The following CACNA2D3 variants were observed in gnomAD, a reference collection of about 807,000 sequenced individuals.
The protein encoded by CACNA2D3 is calcium voltage-gated channel auxiliary subunit alpha2delta 3.
A neutral mutation model predicts 160.6 loss-of-function variants in CACNA2D3; 60 were observed. The ratio of observed to expected loss-of-function variants is 0.37; its 90% CI spans 0.30 to 0.46. The LOEUF is 0.46. Ranked by LOEUF, CACNA2D3 falls within the 20% of genes least tolerant of loss-of-function variation. The pLI, the probability that CACNA2D3 is intolerant of heterozygous loss-of-function variation, is 1.00. For missense variants in CACNA2D3, 1,205 were observed against 1,365.0 expected (o/e 0.88, Z 1.85); for synonymous variants, 558 against 492.9 (o/e 1.13, Z -1.75).
At chr3:54,553,186 T>G (rs1170785517) in intron 5 of CACNA2D3, among the ~76,000 whole-genome samples, 1 of 152,218 alleles carries the variant, frequency 6.6e-6, no homozygotes, top group Non-Finnish European at 1.5e-5. Flanking sequence ...GTTTGGCAAA[T>G]AAACCTATTG....
At chr3:55,043,988 A>G (rs558450778) in intron 35 of CACNA2D3, among the ~76,000 whole-genome samples, 5 of 152,334 alleles carry the variant, frequency 3.3e-5, no homozygotes, top group Middle Eastern at 3.4e-3. Flanking sequence ...TTTCTCTAAT[A>G]TAAAACCGTC....
intron 4 of CACNA2D3, among the ~76,000 whole-genome samples, chr3:54,465,766 T>C (rs1035339137): frequency 6.6e-6 from 1 of 152,234 alleles, no homozygotes; most frequent in Non-Finnish European, 1.5e-5. Flanking sequence ...GCATAACTCG[T>C]TAACATTAAT....
intron 11 of CACNA2D3, among the ~76,000 whole-genome samples, chr3:54,744,127 T>G (rs1701704204): frequency 6.6e-6 from 1 of 152,200 alleles, no homozygotes; most frequent in South Asian, 2.1e-4. Flanking sequence ...TGTAGAGGAC[T>G]CACTTCTGAT....
chr3:54,557,692 C>T (rs532118453), intron 5 of CACNA2D3, among the ~76,000 whole-genome samples: 150 of 152,178 alleles, frequency 9.9e-4, no homozygotes, highest in African/African-American at 2.8e-3. Flanking sequence ...TTAATTTAAG[C>T]GGGTTTTGCC....
At chr3:54,383,791 C>A (rs984473596) in intron 3 of CACNA2D3, among the ~76,000 whole-genome samples, 6 of 152,160 alleles carry the variant, frequency 3.9e-5, no homozygotes, top group Non-Finnish European at 8.8e-5. Context: ...TCACTCAGCA[C>A]AGAATGCAGT....
intron 3 of CACNA2D3, among the ~76,000 whole-genome samples, chr3:54,384,844 T>G (rs1471888753): frequency 6.6e-6 from 1 of 152,034 alleles, no homozygotes; most frequent in Non-Finnish European, 1.5e-5. Context: ...CTCAGCCTCC[T>G]GAATAGCTGA....
intron 14 of CACNA2D3, among the ~76,000 whole-genome samples, chr3:54,831,342 C>A (rs1703873978): frequency 1.3e-5 from 2 of 152,220 alleles, no homozygotes; most frequent in Admixed American, 6.5e-5. Context: ...TGCAGCTTGG[C>A]ATTCACCCCC....
chr3:54,483,195 C>T (rs778757347), intron 4 of CACNA2D3, among the ~76,000 whole-genome samples: 1 of 152,156 alleles, frequency 6.6e-6, no homozygotes, highest in African/African-American at 2.4e-5. Flanking sequence ...CATAAATTTG[C>T]ACTTTTTGTA....
intron 27 of CACNA2D3, among the ~76,000 whole-genome samples, chr3:54,911,882 T>A (rs1182794026): frequency 6.6e-6 from 1 of 152,230 alleles, no homozygotes; most frequent in Non-Finnish European, 1.5e-5. Flanking sequence ...CAAAGCTTAA[T>A]GCCTTAAAGC....
intron 31 of CACNA2D3, among the ~76,000 whole-genome samples, chr3:54,991,051 C>T (rs977194601): frequency 5.9e-5 from 9 of 152,082 alleles, no homozygotes; most frequent in Admixed American, 4.6e-4. Flanking sequence ...ATAATCATGG[C>T]TGCGTTCGCT....
chr3:54,761,328 C>T (rs1444346014), intron 12 of CACNA2D3, among the ~76,000 whole-genome samples: 1 of 152,204 alleles, frequency 6.6e-6, no homozygotes, highest in African/African-American at 2.4e-5. Flanking sequence ...TGAGTTGTGT[C>T]TCCCTACTTT....
chr3:54,887,438 C>T (rs1345716342), intron 23 of CACNA2D3, among the ~76,000 whole-genome samples: 3 of 151,880 alleles, frequency 2.0e-5, no homozygotes, highest in African/African-American at 7.2e-5. Context: ...AAAAAATAAA[C>T]AAATAAATAA....
At chr3:54,465,457 G>A (rs546542206) in intron 4 of CACNA2D3, among the ~76,000 whole-genome samples, 9 of 152,160 alleles carry the variant, frequency 5.9e-5, no homozygotes, top group Middle Eastern at 6.8e-3. Context: ...TTATATGTAC[G>A]TAGGTGTAGG....
chr3:54,126,130 A>C (rs1418380757), intron 2 of CACNA2D3, among the ~76,000 whole-genome samples: 3 of 152,226 alleles, frequency 2.0e-5, no homozygotes, highest in Non-Finnish European at 2.9e-5. Context: ...AATTTTATGT[A>C]TTTTATGTAG....
At chr3:54,742,600 C>T (rs926170681) in intron 11 of CACNA2D3, among the ~76,000 whole-genome samples, 24 of 152,154 alleles carry the variant, frequency 1.6e-4, no homozygotes, top group Non-Finnish European at 3.1e-4. Flanking sequence ...ATGATGCCGT[C>T]TGTCCACTGT....
At position 54,195,201 on chromosome 3, in the gene CACNA2D3, C is replaced by T. The variant is rs1030243930; in HGVS notation, c.204+71607C>T. ...TAGGCCCAGGAATCAGCCGTCTGGC[C>T]GTTGTCCCAGGGCATTCTGATGCAT... On this transcript the variant is annotated intron_variant, in intron 2 of 37. Transcript: ENST00000474759. 3.9e-5 allele frequency among the ~76,000 whole-genome samples: 6 copies of T among 152,276 alleles called. No homozygotes were observed. In the East Asian group the frequency reaches 5.8e-4, roughly 15 times the overall value.
At chr3:54,156,575 T>C (rs774985052) in intron 2 of CACNA2D3, among the ~76,000 whole-genome samples, 6 of 152,222 alleles carry the variant, frequency 3.9e-5, no homozygotes, top group Non-Finnish European at 8.8e-5. Context: ...CTTCATGTTC[T>C]TATATTGTTC....
At chr3:55,059,788 G>C (rs983557498) in intron 35 of CACNA2D3, among the ~76,000 whole-genome samples, 2 of 152,040 alleles carry the variant, frequency 1.3e-5, no homozygotes, top group African/African-American at 4.8e-5. Context: ...GGATGGATTG[G>C]GGGGTGGAAA....
chr3:54,345,203 C>T (rs745543671), intron 3 of CACNA2D3, among the ~76,000 whole-genome samples: 12 of 152,320 alleles, frequency 7.9e-5, no homozygotes, highest in Non-Finnish European at 1.3e-4. Flanking sequence ...TTTCACTTTG[C>T]CCTGCAGACT....
Sources: allele counts gnomAD v4.1 joint callset (sites outside exome capture counted in the v4.1 genomes callset), GRCh38; gene constraint gnomAD v4.1.1; transcripts MANE v1.5; gene names NCBI Gene and HGNC (gene_info 2026-07-23, HGNC 2026-07-21).